OPCML: variants seen among roughly 807,000 people sequenced by gnomAD.
OPCML encodes opioid binding protein/cell adhesion molecule like.
In OPCML, 13 loss-of-function variants were observed where a neutral mutation model predicts 37.8. The observed-to-expected ratio is 0.34, with a 90% confidence interval of 0.22 to 0.55. The LOEUF is 0.55. OPCML is among the 20% of genes least tolerant of loss of function. The pLI is 0.91. For missense variants in OPCML, 341 were observed against 435.6 expected, an observed-to-expected ratio of 0.78 and a Z score of 1.93; for synonymous variants, 176 against 168.8, an observed-to-expected ratio of 1.04 and a Z score of -0.33.
chr11:133,289,539 G>T (rs1319561500), intron 1 of OPCML, among the ~76,000 whole-genome samples: 2 of 144,196 alleles, frequency 1.4e-5, no homozygotes, highest in Non-Finnish European at 3.0e-5. Context: ...AGCTTGCAGT[G>T]AGCCGAGATC....
At chr11:133,367,864 C>T (rs1045601553) in intron 1 of OPCML, among the ~76,000 whole-genome samples, 3 of 152,166 alleles carry the variant, frequency 2.0e-5, no homozygotes, top group Non-Finnish European at 2.9e-5. Context: ...CCAGTAGCAG[C>T]CCAGCATCTG....
chr11:132,831,818 G>A (rs1424467268), intron 2 of OPCML, among the ~76,000 whole-genome samples: 1 of 151,944 alleles, frequency 6.6e-6, no homozygotes, highest in Non-Finnish European at 1.5e-5. Context: ...TGGCAATAGA[G>A]ATCTTTATTG....
chr11:133,347,209 C>T (rs936372860), intron 1 of OPCML, among the ~76,000 whole-genome samples: 1 of 152,160 alleles, frequency 6.6e-6, no homozygotes, highest in Non-Finnish European at 1.5e-5. Flanking sequence ...TTGTAAAGCA[C>T]GTGTGGCCTG....
At chr11:132,551,312 A>G (rs915364573) in intron 3 of OPCML, among the ~76,000 whole-genome samples, 1 of 152,218 alleles carries the variant, frequency 6.6e-6, no homozygotes. Context: ...AAGCAACTCC[A>G]TCTGGCTTCT....
In OPCML at chr11:133,082,833, G is replaced by A. The variant is rs1274364546; in HGVS notation, c.62-139823C>T. ...GGGCGGGGCCCACCAACCCGGAGAG[G>A]TCGCCAGCCTGCAGGGTGCCGGGGG... On this transcript the variant is annotated intron_variant, in intron 1 of 7. Coordinates refer to ENST00000524381, the MANE Select transcript of OPCML (RefSeq NM_001012393.5). Among the ~76,000 whole-genome samples the A allele has an allele frequency of 1.2e-4, 18 of 149,304 alleles. No individual in the cohort carries two copies. The South Asian group carries it at 3.4e-3, about 28-fold the overall frequency.
intron 1 of OPCML, among the ~76,000 whole-genome samples, chr11:133,240,078 A>G (rs1348796072): frequency 6.6e-6 from 1 of 151,990 alleles, no homozygotes; most frequent in Non-Finnish European, 1.5e-5. Context: ...CTCCAACAAA[A>G]GCATTAGAAT....
chr11:133,151,948 T>C (rs1326463473), intron 1 of OPCML, among the ~76,000 whole-genome samples: 1 of 152,226 alleles, frequency 6.6e-6, no homozygotes, highest in African/African-American at 2.4e-5. Context: ...AGAATGCTTC[T>C]AGCTCTTGAC....
In OPCML at chr11:132,768,503, T is replaced by C. The variant is rs188605530; in HGVS notation, c.147-111184A>G. ...ATTTGGGTACTGTCCATTAAAATAA[T>C]ACATCTACATATATCTACACTGAGT... is the stretch of plus-strand genomic sequence containing the variant. On this transcript the variant is annotated intron_variant, in intron 2 of 7. Transcript: ENST00000524381. Among the ~76,000 whole-genome samples, 3 of 152,098 alleles carry C rather than the reference T, an allele frequency of 2.0e-5. No homozygotes were observed. The East Asian group carries it at 5.8e-4, about 30-fold the overall frequency.
chr11:133,436,860 A>C (rs570609430), intron 1 of OPCML, among the ~76,000 whole-genome samples: 1 of 152,236 alleles, frequency 6.6e-6, no homozygotes, highest in South Asian at 2.1e-4. Flanking sequence ...GGTCCTTAGG[A>C]CTCAGGGGTA....
At position 132,529,126 on chromosome 11, in the gene OPCML, G is replaced by T; in HGVS notation, c.440C>A (p.Thr147Asn). ...TCTGCCAATAGCAAGACACAGCAGG[G>T]TCACACTGCTTCCCTCATTCACAGT... ...DITVNEGSSVTLLCLAIGRPE... is the reference protein window; with the variant it reads ...DITVNEGSSVNLLCLAIGRPE... The change falls in exon 4 of 8, where the codon ACC (threonine) becomes AAC (asparagine). Residue 147 changes from threonine (T) to asparagine (N), a missense_variant. Physicochemically the swap from Thr to Asn is moderately conservative, Grantham distance 65. Coordinates refer to ENST00000524381, the MANE Select transcript of OPCML (RefSeq NM_001012393.5). 1 of 1,613,524 alleles carries T rather than the reference G, an allele frequency of 6.2e-7. No individual in the cohort carries two copies. Among genetic ancestry groups the T allele is most frequent in the Non-Finnish European group, 8.5e-7 (1 of 1,179,644 alleles).
At chr11:133,352,203 A>G (rs1944156883) in intron 1 of OPCML, among the ~76,000 whole-genome samples, 1 of 152,208 alleles carries the variant, frequency 6.6e-6, no homozygotes, top group South Asian at 2.1e-4. Context: ...GCTTCTTACC[A>G]TGCCTACAAT....
chr11:132,798,676 C>A (rs1938471922), intron 2 of OPCML, among the ~76,000 whole-genome samples: 1 of 152,150 alleles, frequency 6.6e-6, no homozygotes, highest in Non-Finnish European at 1.5e-5. Context: ...GATATTTTGA[C>A]CTCCTTTCAT....
At chr11:133,129,524 T>C (rs1158008237) in intron 1 of OPCML, among the ~76,000 whole-genome samples, 1 of 152,174 alleles carries the variant, frequency 6.6e-6, no homozygotes, top group East Asian at 1.9e-4. Context: ...AGGTCAATAA[T>C]ACTTATAGAA....
intron 1 of OPCML, among the ~76,000 whole-genome samples, chr11:133,526,155 G>A (rs549118883): frequency 1.3e-5 from 2 of 152,184 alleles, no homozygotes; most frequent in Non-Finnish European, 2.9e-5. Flanking sequence ...CTGGCTCTGG[G>A]GCGCAGAGGC....
At chr11:132,427,005 TA>T (rs2095979802) in intron 7 of OPCML, among the ~76,000 whole-genome samples, 1 of 152,206 alleles carries the variant, frequency 6.6e-6, no homozygotes, top group South Asian at 2.1e-4. Flanking sequence ...GTAGTGTATA[TA>T]ACAAGCCATG....
At position 132,812,807 on chromosome 11, in the gene OPCML, T is replaced by C. The variant is rs368124609; in HGVS notation, c.146+130119A>G. On this transcript the variant is annotated intron_variant, in intron 2 of 7. Coordinates refer to ENST00000524381, the MANE Select transcript of OPCML (RefSeq NM_001012393.5). ...ATATCTTCCTCACCAACTTAAATTC[T>C]CCTTGAGGGCAGGAGCCTGCTTTTA... 2.6e-5 allele frequency among the ~76,000 whole-genome samples: 4 copies of C among 152,230 alleles called. No homozygotes were observed. The East Asian group carries it at 7.7e-4, about 29-fold the overall frequency.
At chr11:133,471,343 A>T (rs947622945) in intron 1 of OPCML, among the ~76,000 whole-genome samples, 2 of 152,246 alleles carry the variant, frequency 1.3e-5, no homozygotes, top group Admixed American at 1.3e-4. Flanking sequence ...ATATACTGAT[A>T]TGGAATGATC....
chr11:133,414,260 A>T (rs1945713036), intron 1 of OPCML, among the ~76,000 whole-genome samples: 1 of 152,038 alleles, frequency 6.6e-6, no homozygotes, highest in Non-Finnish European at 1.5e-5. Context: ...TAAAACATGT[A>T]TATACGTGGT....
Position 133,256,574 on chromosome 11 carries a change from T to C in OPCML, c.61+275690A>G, listed in dbSNP as rs543723693. Among the ~76,000 whole-genome samples the C allele has an allele frequency of 2.0e-5, 3 of 152,346 alleles. No homozygotes were observed. In the South Asian group the frequency reaches 6.2e-4, roughly 32 times the overall value. On this transcript the variant is annotated intron_variant, in intron 1 of 7. Transcript: ENST00000524381. ...TGTACTATACACACTTCTAGAAGTATGTGGGATGATTTTACGTGATATGTG... is the reference window on the plus strand; with the variant it reads ...TGTACTATACACACTTCTAGAAGTACGTGGGATGATTTTACGTGATATGTG...
Sources: allele counts gnomAD v4.1 joint callset (sites outside exome capture counted in the v4.1 genomes callset), GRCh38; gene constraint gnomAD v4.1.1; transcripts MANE v1.5; gene names NCBI Gene and HGNC (gene_info 2026-07-23, HGNC 2026-07-21).